FOXK1: variants seen among roughly 807,000 people sequenced by gnomAD.
FOXK1 encodes forkhead box K1.
A neutral mutation model predicts 51.9 loss-of-function variants in FOXK1; 19 were observed. The observed-to-expected ratio is 0.37, with a 90% CI of 0.26 to 0.54. FOXK1 has a LOEUF of 0.54. Ranked by LOEUF, FOXK1 falls within the 20% of genes least tolerant of loss-of-function variation. The pLI is 0.87. For synonymous variants in FOXK1, 537 were observed against 482.6 expected (o/e 1.11, Z -1.48); for missense variants, 870 against 1,032.7 (o/e 0.84, Z 2.16).
chr7:4,746,253 T>C (rs757383673), intron 2 of FOXK1, among the ~76,000 whole-genome samples: 4 of 152,258 alleles, frequency 2.6e-5, no homozygotes, highest in Admixed American at 6.5e-5. Context: ...TTCTGTCTTA[T>C]TGCTAGATAA....
intron 1 of FOXK1, among the ~76,000 whole-genome samples, chr7:4,705,548 T>TCGCGCTCG (rs879336654): frequency 7.1e-6 from 1 of 140,140 alleles, no homozygotes; most frequent in Non-Finnish European, 1.5e-5. Flanking sequence ...TCTCTCTCTC[T>TCGCGCTCG]CTCTCTCTCT....
rs141250851 is a variant in FOXK1, at chr7:4,711,490, C to T, written c.560+28622C>T. 8.4e-4 allele frequency among the ~76,000 whole-genome samples: 128 copies of T among 152,246 alleles called. 4 individuals are homozygous for T. In the East Asian group the frequency reaches 0.024, roughly 28 times the overall value. ...GACTTTCTCAGTGGCCCTCAGACGT[C>T]TTGGCAAGTGAAGAGTGTGAAGAGG... is the stretch of plus-strand genomic sequence containing the variant. On this transcript the variant is annotated intron_variant, in intron 1 of 8. Coordinates refer to ENST00000328914, the MANE Select transcript of FOXK1 (RefSeq NM_001037165.2). The surrounding 1 kb of genome is among the most constrained non-coding windows in gnomAD (Gnocchi z 6.3).
chr7:4,716,620 G>A (rs1052668131), intron 1 of FOXK1, among the ~76,000 whole-genome samples: 5 of 152,212 alleles, frequency 3.3e-5, no homozygotes, highest in Admixed American at 6.5e-5. Flanking sequence ...CACGGGCAGG[G>A]CCAGAGCCTG....
intron 1 of FOXK1, among the ~76,000 whole-genome samples, chr7:4,737,551 C>CGTGTGTGT (rs762298656): frequency 1.7e-4 from 13 of 76,444 alleles, no homozygotes; most frequent in African/African-American, 8.0e-4. Context: ...TGTGTGCGTG[C>CGTGTGTGT]CTGTGTGTGT....
At position 4,758,620 on chromosome 7, in the gene FOXK1, T is replaced by TGCAC; in HGVS notation, c.1245-431_1245-430insGCAC. ...CTTCAAAAAAGTGTTCGAACGTCATTTGCAGCATTTAAACTGAGCTCCAAA... is the reference window on the plus strand; with the variant it reads ...CTTCAAAAAAGTGTTCGAACGTCATTGCACTGCAGCATTTAAACTGAGCTCCAAA... On this transcript the variant is annotated intron_variant, in intron 5 of 8. Transcript: ENST00000328914. The surrounding 1 kb of genome is among the most constrained non-coding windows in gnomAD (Gnocchi z 4.4). The TGCAC allele has an allele frequency of 5.7e-6, 1 of 174,094 alleles. No homozygotes were observed. The highest frequency in any genetic ancestry group is 1.2e-5 in the Non-Finnish European group (1 of 82,980). 10.8% of individuals were successfully genotyped at this position (174,094 alleles called of 1,614,324 possible). A position where few individuals can be genotyped will look rare whatever the true frequency, so the allele number is the denominator to read the frequency against.
intron 1 of FOXK1, among the ~76,000 whole-genome samples, chr7:4,686,604 A>G (rs1404686297): frequency 6.6e-6 from 1 of 152,074 alleles, no homozygotes; most frequent in African/African-American, 2.4e-5. Flanking sequence ...GGTCTCCGTG[A>G]TAGCGTTTCT....
At chr7:4,757,527 G>A (rs1478780995) in intron 5 of FOXK1, among the ~76,000 whole-genome samples, 1 of 151,022 alleles carries the variant, frequency 6.6e-6, no homozygotes, top group East Asian at 2.0e-4. Flanking sequence ...CTACTGGGGA[G>A]GCTGAGGTAG....
In FOXK1 at chr7:4,749,155, T is replaced by A. The variant is rs1780743612; in HGVS notation, c.747-5304T>A. Among the ~76,000 whole-genome samples the A allele has an allele frequency of 6.6e-6, 1 of 152,244 alleles. No individual in the cohort carries two copies. Among genetic ancestry groups the A allele is most frequent in the Admixed American group, 6.5e-5 (1 of 15,278 alleles). ...TCTTTTGAATTCTTATTTTTTAATTTGAAGAGCGTGTTCTTGCTCTGCAGG... is the reference window on the plus strand; with the variant it reads ...TCTTTTGAATTCTTATTTTTTAATTAGAAGAGCGTGTTCTTGCTCTGCAGG... On this transcript the variant is annotated intron_variant, in intron 2 of 8. Coordinates refer to ENST00000328914, the MANE Select transcript of FOXK1 (RefSeq NM_001037165.2). This position sits in a 1 kb window ranked among gnomAD's most constrained non-coding sequence, Gnocchi z 6.0.
rs1226122405 is a variant in FOXK1, at chr7:4,766,318, T to G, written c.*3854T>G. On this transcript the variant is annotated 3_prime_UTR_variant, in exon 9 of 9. Transcript: ENST00000328914. The surrounding 1 kb of genome is among the most constrained non-coding windows in gnomAD (Gnocchi z 5.5). ...CGCTCTGGGTGAAATGAGACGCTGG[T>G]GTGGGGTCCCCATGTAGAGACCCTC... 1 of 152,202 alleles carries G rather than the reference T, an allele frequency of 6.6e-6. No individual in the cohort carries two copies. Among genetic ancestry groups the G allele is most frequent in the African/African-American group, 2.4e-5 (1 of 41,432 alleles). The allele number at this position is 152,202 out of a possible 1,614,324, so 9.4% of individuals were successfully genotyped here. A position where few individuals can be genotyped will look rare whatever the true frequency, so the allele number is the denominator to read the frequency against.
In FOXK1 at chr7:4,757,292, C is replaced by T. The variant is rs147109463; in HGVS notation, c.1244+105C>T. 2.2e-4 allele frequency: 236 copies of T among 1,049,550 alleles called. No individual in the cohort carries two copies. The East Asian group carries it at 5.6e-3, about 25-fold the overall frequency. 65.0% of individuals were successfully genotyped at this position (1,049,550 alleles called of 1,614,324 possible). A position where few individuals can be genotyped will look rare whatever the true frequency, so the allele number is the denominator to read the frequency against. ...AGCCCTCCGGATCTGTGGGCTCAGGCTCAGTGTACGGGCATGCAACTGATC... is the reference window on the plus strand; with the variant it reads ...AGCCCTCCGGATCTGTGGGCTCAGGTTCAGTGTACGGGCATGCAACTGATC... On this transcript the variant is annotated intron_variant, in intron 5 of 8. Transcript: ENST00000328914.
chr7:4,704,044 T>TC (rs1412466086), intron 1 of FOXK1, among the ~76,000 whole-genome samples: 2 of 152,230 alleles, frequency 1.3e-5, no homozygotes, highest in Non-Finnish European at 2.9e-5. Flanking sequence ...AGGCTTCCGA[T>TC]CAGTGTCTAA....
In FOXK1 at chr7:4,709,090, GA is replaced by G. The variant is rs1780142350; in HGVS notation, c.560+26227del. ...AAAAAAAAAAAAAAAGAAAAGAAAA[GA>G]AAAAGAAAAACAAGGAAAAAAGAAA... On this transcript the variant is annotated intron_variant, in intron 1 of 8. Transcript: ENST00000328914. The surrounding 1 kb of genome is among the most constrained non-coding windows in gnomAD (Gnocchi z 5.6). Among the ~76,000 whole-genome samples the G allele has an allele frequency of 1.3e-5, 2 of 150,484 alleles. No homozygotes were observed. Among genetic ancestry groups the G allele is most frequent in the African/African-American group, 4.9e-5 (2 of 40,984 alleles).
rs760953599 is a variant in FOXK1, at chr7:4,762,153, C to T, written c.1922-31C>T. On this transcript the variant is annotated intron_variant, in intron 8 of 8. Coordinates refer to ENST00000328914, the MANE Select transcript of FOXK1 (RefSeq NM_001037165.2). The surrounding 1 kb of genome is among the most constrained non-coding windows in gnomAD (Gnocchi z 5.7). ...AAAGCAGCTGGGTCCTAACCAGACC[C>T]CAGAGTAACCCTCTTCTTCCTCCAC... 1 of 1,533,286 alleles carries T rather than the reference C, an allele frequency of 6.5e-7. No homozygotes were observed. Among genetic ancestry groups the T allele is most frequent in the Non-Finnish European group, 8.8e-7 (1 of 1,134,194 alleles). 95.0% of individuals were successfully genotyped at this position (1,533,286 alleles called of 1,614,324 possible). A position where few individuals can be genotyped will look rare whatever the true frequency, so the allele number is the denominator to read the frequency against.
At chr7:4,732,336 T>A (rs1048222472) in intron 1 of FOXK1, among the ~76,000 whole-genome samples, 5 of 152,122 alleles carry the variant, frequency 3.3e-5, no homozygotes, top group African/African-American at 1.2e-4. Flanking sequence ...CTCCATTCAT[T>A]CATTCATTCA....
rs549590288 is a variant in FOXK1, at chr7:4,733,866, T to C, written c.561-6972T>C. Among the ~76,000 whole-genome samples, 1 of 152,230 alleles carries C rather than the reference T, an allele frequency of 6.6e-6. No homozygotes were observed. Among genetic ancestry groups the C allele is most frequent in the South Asian group, 2.1e-4 (1 of 4,820 alleles). On this transcript the variant is annotated intron_variant, in intron 1 of 8. Transcript: ENST00000328914. This position sits in a 1 kb window ranked among gnomAD's most constrained non-coding sequence, Gnocchi z 5.0. The stretch of plus-strand genomic sequence containing the variant: ...CTGGTCTTTAGTCCGGCTGACATCC[T>C]CTCTCTGGCCGTCATAGCCAGCGCC...
chr7:4,705,780 C>G (rs189930167), intron 1 of FOXK1, among the ~76,000 whole-genome samples: 12 of 150,522 alleles, frequency 8.0e-5, no homozygotes, highest in South Asian at 2.1e-4. Context: ...CTCGTGACCC[C>G]CCCCCGCCTC....
chr7:4,718,210 C>T lies in FOXK1; in HGVS notation c.561-22628C>T, dbSNP rs188423203. The stretch of plus-strand genomic sequence containing the variant: ...AGCATCACAGCCGGGAAGTTGGCAT[C>T]GGTGCGCTGTGTGTGGTTCCGTCAT... On this transcript the variant is annotated intron_variant, in intron 1 of 8. Coordinates refer to ENST00000328914, the MANE Select transcript of FOXK1 (RefSeq NM_001037165.2). Among the ~76,000 whole-genome samples, 1,138 of 148,876 alleles carry T rather than the reference C, an allele frequency of 7.6e-3. 4 individuals carry two copies. Among genetic ancestry groups the T allele is most frequent in the Middle Eastern group, 0.027 (8 of 294 alleles).
Position 4,755,434 on chromosome 7 carries a change from G to A in FOXK1, c.1050+51G>A. ...TCGCCTCTGAAGGCCCTTAGAACAT[G>A]GAACTCACAGGCATATTGCTTCCCT... On this transcript the variant is annotated intron_variant, in intron 4 of 8. Coordinates refer to ENST00000328914, the MANE Select transcript of FOXK1 (RefSeq NM_001037165.2). The surrounding 1 kb of genome is among the most constrained non-coding windows in gnomAD (Gnocchi z 6.6). The A allele has an allele frequency of 6.3e-7, 1 of 1,597,548 alleles. No individual in the cohort carries two copies. The highest frequency in any genetic ancestry group is 1.1e-5 in the South Asian group (1 of 90,280).
rs192089971 is a variant in FOXK1, at chr7:4,739,350, A to G, written c.561-1488A>G. 5.3e-5 allele frequency among the ~76,000 whole-genome samples: 8 copies of G among 152,360 alleles called. No individual in the cohort carries two copies. The East Asian group carries it at 1.4e-3, about 26-fold the overall frequency. On this transcript the variant is annotated intron_variant, in intron 1 of 8. Transcript: ENST00000328914. ...AAGAGCCTTTTCCAAACAGCTGCGC[A>G]GGCGGCCAGCGTTCCTTATCTCTGT... is the stretch of plus-strand genomic sequence containing the variant.
Sources: allele counts gnomAD v4.1 joint callset (sites outside exome capture counted in the v4.1 genomes callset), GRCh38; gene constraint gnomAD v4.1.1; non-coding constraint Gnocchi (gnomAD v3.1); transcripts MANE v1.5; gene names NCBI Gene and HGNC (gene_info 2026-07-23, HGNC 2026-07-21).